The following PRSS38 variants were observed in gnomAD, a reference collection of about 807,000 sequenced individuals.
PRSS38 encodes serine protease 38.
A neutral mutation model predicts 26.8 loss-of-function variants in PRSS38; 22 were observed. The observed-to-expected ratio is 0.82, with a 90% CI of 0.59 to 1.17. The LOEUF is 1.17. Ranked by LOEUF, PRSS38 falls within the 50% of genes most tolerant of loss-of-function variation. PRSS38 has a pLI of 0.00. For synonymous variants in PRSS38, 175 were observed against 172.1 expected (o/e 1.02, Z -0.13); for missense variants, 427 against 422.7 (o/e 1.01, Z -0.09).
At chr1:227,829,405 T>C (rs534113343) in intron 3 of PRSS38, among the ~76,000 whole-genome samples, 2 of 152,328 alleles carry the variant, frequency 1.3e-5, no homozygotes, top group South Asian at 2.1e-4. Flanking sequence ...TTTTTTCATA[T>C]GCTTATTGGT....
rs750198324 is a variant in PRSS38, at chr1:227,816,213, A to G, written c.272A>G (p.Asn91Ser). 1.1e-5 allele frequency: 17 copies of G among 1,613,470 alleles called. No individual in the cohort carries two copies. Among genetic ancestry groups the G allele is most frequent in the Non-Finnish European group, 1.4e-5 (16 of 1,179,814 alleles). Residue 91 changes from asparagine to serine, a missense_variant, in exon 2 of 5, where the codon AAT becomes AGT. Coordinates refer to ENST00000366757, the Ensembl canonical transcript of PRSS38. The surrounding 1 kb of genome is among the most constrained non-coding windows in gnomAD (Gnocchi z 5.1). ...CACGTCTGCGGCGGCTCCATCCTCA[A>G]TGAGTACTGGGTGCTGTCAGCTGCG...
intron 3 of PRSS38, among the ~76,000 whole-genome samples, chr1:227,834,409 G>A (rs999935062): frequency 6.6e-6 from 1 of 151,980 alleles, no homozygotes; most frequent in Non-Finnish European, 1.5e-5. Flanking sequence ...TGGCTCGTGT[G>A]TATAATCCCA....
At chr1:227,822,084 A>G (rs1479180418) in intron 3 of PRSS38, among the ~76,000 whole-genome samples, 1 of 152,096 alleles carries the variant, frequency 6.6e-6, no homozygotes, top group Non-Finnish European at 1.5e-5. Flanking sequence ...AAGTTCACCT[A>G]TGCTCTCTTG....
At chr1:227,815,860 C>A in exon 1 of PRSS38, 1 of 1,604,346 alleles carries the variant, frequency 6.2e-7, no homozygotes, top group Non-Finnish European at 8.5e-7. Flanking sequence ...TAACTGGCAG[C>A]GTGGGTAGGC....
At chr1:227,838,981 G>A (rs79654434) in intron 3 of PRSS38, among the ~76,000 whole-genome samples, 3,996 of 151,924 alleles carry the variant, frequency 0.026, 63 homozygotes, top group South Asian at 0.085. Flanking sequence ...CACCACGCCC[G>A]GCTCTACTGC....
At chr1:227,832,358 A>G (rs367835663) in intron 3 of PRSS38, among the ~76,000 whole-genome samples, 16 of 152,236 alleles carry the variant, frequency 1.1e-4, no homozygotes, top group East Asian at 5.8e-4. Flanking sequence ...CTATATACCT[A>G]TATACTCTCT....
intron 3 of PRSS38, among the ~76,000 whole-genome samples, chr1:227,825,193 A>AT: frequency 6.6e-6 from 1 of 151,752 alleles, no homozygotes; most frequent in Admixed American, 6.6e-5. Flanking sequence ...TAGGTTTTTT[A>AT]TTTTTTTGTT....
chr1:227,839,008 G>C (rs1378139032), intron 3 of PRSS38, among the ~76,000 whole-genome samples: 1 of 152,150 alleles, frequency 6.6e-6, no homozygotes, highest in Non-Finnish European at 1.5e-5. Flanking sequence ...TTAATGCCAA[G>C]GAATAAGTGT....
intron 3 of PRSS38, among the ~76,000 whole-genome samples, chr1:227,827,172 G>C (rs1665085612): frequency 6.6e-6 from 1 of 152,120 alleles, no homozygotes. Flanking sequence ...GCCAGGTTTT[G>C]GTATCAGGAT....
intron 3 of PRSS38, among the ~76,000 whole-genome samples, chr1:227,836,333 C>T (rs1003221254): frequency 1.3e-5 from 2 of 152,000 alleles, no homozygotes; most frequent in African/African-American, 4.8e-5. Context: ...GGGATCCTCC[C>T]GCTTCTCAAA....
intron 3 of PRSS38, among the ~76,000 whole-genome samples, chr1:227,842,063 C>T (rs1057052696): frequency 2.6e-5 from 4 of 152,170 alleles, no homozygotes; most frequent in Non-Finnish European, 5.9e-5. Flanking sequence ...TCACTCCCCC[C>T]ACCTCCACAG....
At chr1:227,828,278 A>G (rs1665103203) in intron 3 of PRSS38, among the ~76,000 whole-genome samples, 2 of 152,164 alleles carry the variant, frequency 1.3e-5, no homozygotes, top group Non-Finnish European at 2.9e-5. Context: ...TGTTAATATT[A>G]TCAGTGGAGT....
intron 3 of PRSS38, among the ~76,000 whole-genome samples, chr1:227,822,029 T>C (rs908138176): frequency 2.6e-5 from 4 of 152,164 alleles, no homozygotes; most frequent in African/African-American, 9.7e-5. Flanking sequence ...TCCTCTTTTT[T>C]CCTTTCTAAT....
At chr1:227,843,616 C>T (rs542394773) in intron 3 of PRSS38, among the ~76,000 whole-genome samples, 2 of 152,074 alleles carry the variant, frequency 1.3e-5, no homozygotes, top group African/African-American at 2.4e-5. Context: ...GCAGGAGAAT[C>T]GCTTGAACCT....
chr1:227,836,951 T>C (rs1665245612), intron 3 of PRSS38, among the ~76,000 whole-genome samples: 2 of 152,224 alleles, frequency 1.3e-5, no homozygotes, highest in South Asian at 4.1e-4. Flanking sequence ...TCCATAAATA[T>C]TTCAGTGTAG....
At chr1:227,845,414 C>G in intron 3 of PRSS38, 56 bp from the exon 4 acceptor site, 1 of 1,266,470 alleles carries the variant, frequency 7.9e-7, no homozygotes, top group South Asian at 1.3e-5. Context: ...GGGCAGGGAT[C>G]CCCCCACCCC....
intron 3 of PRSS38, among the ~76,000 whole-genome samples, chr1:227,818,840 G>A (rs1259254808): frequency 6.6e-6 from 1 of 152,022 alleles, no homozygotes; most frequent in Non-Finnish European, 1.5e-5. Context: ...TTAAAGTAAA[G>A]ATTAGCTATT....
chr1:227,839,719 C>T (rs190108863), intron 3 of PRSS38, among the ~76,000 whole-genome samples: 43 of 152,242 alleles, frequency 2.8e-4, no homozygotes, highest in Admixed American at 5.9e-4. Context: ...TGCCACCACT[C>T]TTTTTGAGGT....
chr1:227,846,185 C>G, exon 5 of PRSS38: 1 of 1,611,456 alleles, frequency 6.2e-7, no homozygotes, highest in Non-Finnish European at 8.5e-7. Context: ...AATGGCCATG[C>G]TGGCTGGCTG....
Sources: gnomAD v4.1 joint callset for allele counts (sites outside exome capture counted in the v4.1 genomes callset) on GRCh38, gnomAD v4.1.1 for gene constraint, Gnocchi (gnomAD v3.1) non-coding constraint, MANE v1.5 for transcripts, NCBI Gene and HGNC (gene_info 2026-07-23, HGNC 2026-07-21) for gene names.